The following OLFML2A variants were observed in gnomAD, a reference collection of about 807,000 sequenced individuals.
The protein encoded by OLFML2A is olfactomedin-like protein 2A.
A neutral mutation model predicts 60.9 loss-of-function variants in OLFML2A; 47 were observed. The observed-to-expected ratio is 0.77, with a 90% confidence interval of 0.61 to 0.98. The LOEUF (loss-of-function observed/expected upper bound fraction) is 0.98. OLFML2A is among the 50% of genes least tolerant of loss of function. The pLI is 0.00. For missense variants in OLFML2A, 922 were observed against 879.8 expected (o/e 1.05, Z -0.61); for synonymous variants, 372 against 375.0 (o/e 0.99, Z 0.09).
chr9:124,797,246 G>A (rs1365940157), intron 3 of OLFML2A, among the ~76,000 whole-genome samples: 1 of 152,196 alleles, frequency 6.6e-6, no homozygotes, highest in African/African-American at 2.4e-5. Context: ...CTCCCAAGGT[G>A]CTGGGATTAC....
intron 2 of OLFML2A, among the ~76,000 whole-genome samples, chr9:124,793,730 T>A (rs1056570938): frequency 6.6e-6 from 1 of 152,292 alleles, no homozygotes; most frequent in South Asian, 2.1e-4. Flanking sequence ...TGATTTATTT[T>A]GAAAATATTC....
At chr9:124,789,904 C>G (rs1841541321) in intron 2 of OLFML2A, among the ~76,000 whole-genome samples, 1 of 152,188 alleles carries the variant, frequency 6.6e-6, no homozygotes, top group Admixed American at 6.5e-5. Flanking sequence ...ACTCAAGGCA[C>G]CCAGGCCATA....
chr9:124,804,266 C>CA lies in OLFML2A; in HGVS notation c.1092_1093insA (p.Ala365SerfsTer32). 1 of 1,597,612 alleles carries CA rather than the reference C, an allele frequency of 6.3e-7. No homozygotes were observed. Among genetic ancestry groups the CA allele is most frequent in the Non-Finnish European group, 8.5e-7 (1 of 1,172,588 alleles). Reference sequence around the variant, plus strand: ...CTTCAATCCCTGCCACCACCACCACCGCCACCACCACCCCAACCCCCACCA... The same window carrying CA: ...CTTCAATCCCTGCCACCACCACCACCAGCCACCACCACCCCAACCCCCACCA... On this transcript the variant is annotated frameshift_variant, in exon 6 of 8. Coordinates refer to ENST00000373580, the MANE Select transcript of OLFML2A (RefSeq NM_182487.4). LOFTEE classifies it high-confidence loss of function.
chr9:124,794,102 G>A (rs1018660378), intron 2 of OLFML2A, among the ~76,000 whole-genome samples: 1 of 152,216 alleles, frequency 6.6e-6, no homozygotes, highest in Non-Finnish European at 1.5e-5. Flanking sequence ...GCAGGGTGGG[G>A]AGAAGAGGGT....
chr9:124,798,307 GC>G (rs1181651770), intron 3 of OLFML2A, among the ~76,000 whole-genome samples: 3 of 152,072 alleles, frequency 2.0e-5, no homozygotes, highest in Non-Finnish European at 4.4e-5. Flanking sequence ...TTCAAGACCA[GC>G]CTGCCCAACA....
At chr9:124,794,671 G>A (rs1332372969) in intron 2 of OLFML2A, among the ~76,000 whole-genome samples, 1 of 152,092 alleles carries the variant, frequency 6.6e-6, no homozygotes. Flanking sequence ...ACCCAGGCTG[G>A]AGTGCAGTGG....
chr9:124,792,108 C>T (rs1588882245), intron 2 of OLFML2A, among the ~76,000 whole-genome samples: 1 of 152,238 alleles, frequency 6.6e-6, no homozygotes, highest in East Asian at 1.9e-4. Context: ...GGCAGCCTTT[C>T]CTGATCCACA....
chr9:124,786,443 G>A (rs769647321), intron 1 of OLFML2A, among the ~76,000 whole-genome samples: 3 of 151,798 alleles, frequency 2.0e-5, no homozygotes, highest in Non-Finnish European at 2.9e-5. Context: ...CGCACGGGCC[G>A]GGCGCGGTGG....
chr9:124,777,254 AC>A lies in OLFML2A; in HGVS notation c.-15del, dbSNP rs1841272260. The A allele has an allele frequency of 3.8e-6, 4 of 1,066,390 alleles. No individual in the cohort carries two copies. In the South Asian group the frequency reaches 1.5e-4, roughly 41 times the overall value. 66.1% of individuals were successfully genotyped at this position (1,066,390 alleles called of 1,614,324 possible). On this transcript the variant is annotated 5_prime_UTR_variant, in exon 1 of 8. Coordinates refer to ENST00000373580, the MANE Select transcript of OLFML2A (RefSeq NM_182487.4). The surrounding 1 kb of genome is among the most constrained non-coding windows in gnomAD (Gnocchi z 6.2). Reference sequence around the variant, plus strand: ...CGTCCGTGCCCGGCCGCCTGTGCCTACCGTGCCCGTGGCGCCATGGCCGCTG... The same window carrying A: ...CGTCCGTGCCCGGCCGCCTGTGCCTACGTGCCCGTGGCGCCATGGCCGCTG...
chr9:124,792,221 C>G (rs945179702), intron 2 of OLFML2A, among the ~76,000 whole-genome samples: 2 of 152,160 alleles, frequency 1.3e-5, no homozygotes, highest in Non-Finnish European at 2.9e-5. Context: ...TGCCTCTGTC[C>G]CCTGATCTAG....
chr9:124,809,947 C>G lies in OLFML2A; in HGVS notation c.1494C>G (p.Ser498=), dbSNP rs774615617. ...KYDLRQRFVA[S]WALLPDVVYE... is the part of the protein sequence containing the mutation. Reference sequence around the variant, plus strand: ...ACCTACGGCAGCGCTTCGTGGCCTCCTGGGCGCTGCTGCCCGACGTGGTAT... The same window carrying G: ...ACCTACGGCAGCGCTTCGTGGCCTCGTGGGCGCTGCTGCCCGACGTGGTAT... The change falls in exon 8 of 8, where the codon TCC becomes TCG. Residue 498 remains serine (S), a synonymous_variant. Transcript: ENST00000373580. 1.9e-6 allele frequency: 3 copies of G among 1,614,192 alleles called. No individual in the cohort carries two copies. The highest frequency in any genetic ancestry group is 4.5e-5 in the East Asian group (2 of 44,880).
At position 124,810,858 on chromosome 9, in the gene OLFML2A, C is replaced by T. The variant is rs1283576335; in HGVS notation, c.*446C>T. The T allele has an allele frequency of 6.1e-6, 1 of 163,262 alleles. No homozygotes were observed. Among genetic ancestry groups the T allele is most frequent in the East Asian group, 2.1e-4 (1 of 4,762 alleles). The allele number at this position is 163,262 out of a possible 1,614,324, so 10.1% of individuals were successfully genotyped here. A position where few individuals can be genotyped will look rare whatever the true frequency, so the allele number is the denominator to read the frequency against. Reference sequence around the variant, plus strand: ...CTCCCTTGTTCTCTCAACCCAGTCTCCCTTCCCAGGGCCACTCAGAACCAG... The same window carrying T: ...CTCCCTTGTTCTCTCAACCCAGTCTTCCTTCCCAGGGCCACTCAGAACCAG... On this transcript the variant is annotated 3_prime_UTR_variant, in exon 8 of 8. Transcript: ENST00000373580.
At chr9:124,785,009 A>G (rs1477633475) in intron 1 of OLFML2A, among the ~76,000 whole-genome samples, 3 of 117,034 alleles carry the variant, frequency 2.6e-5, no homozygotes, top group African/African-American at 1.0e-4. Context: ...GCTGGAGTGC[A>G]GTGGCCTGAT....
Position 124,777,492 on chromosome 9 carries a change from G to T in OLFML2A, c.90+132G>T. ...CCGGGAGCTGAGAGACCGAACCTGGGACTTCTCAGCACTGAAGCCGCAGGG... is the reference window on the plus strand; with the variant it reads ...CCGGGAGCTGAGAGACCGAACCTGGTACTTCTCAGCACTGAAGCCGCAGGG... On this transcript the variant is annotated intron_variant, in intron 1 of 7. Transcript: ENST00000373580. This position sits in a 1 kb window ranked among gnomAD's most constrained non-coding sequence, Gnocchi z 6.2. 1.0e-6 allele frequency: 1 copy of T among 981,058 alleles called. No individual in the cohort carries two copies. The highest frequency in any genetic ancestry group is 1.7e-5 in the African/African-American group (1 of 59,042). 60.8% of individuals were successfully genotyped at this position (981,058 alleles called of 1,614,324 possible). A position where few individuals can be genotyped will look rare whatever the true frequency, so the allele number is the denominator to read the frequency against.
rs954454034 is a variant in OLFML2A, at chr9:124,779,717, G to A, written c.90+2357G>A. ...TGGGAAAAATAAAAATCAAGTGATGGGTGAATTTACTCTGCATTCCTTAGC... is the reference window on the plus strand; with the variant it reads ...TGGGAAAAATAAAAATCAAGTGATGAGTGAATTTACTCTGCATTCCTTAGC... On this transcript the variant is annotated intron_variant, in intron 1 of 7. Coordinates refer to ENST00000373580, the MANE Select transcript of OLFML2A (RefSeq NM_182487.4). The surrounding 1 kb of genome is among the most constrained non-coding windows in gnomAD (Gnocchi z 4.1). Among the ~76,000 whole-genome samples the A allele has an allele frequency of 9.2e-5, 14 of 152,122 alleles. No homozygotes were observed. The highest frequency in any genetic ancestry group is 1.7e-4 in the African/African-American group (7 of 41,432).
chr9:124,806,900 G>A (rs1020594672), intron 6 of OLFML2A, among the ~76,000 whole-genome samples: 6 of 151,760 alleles, frequency 4.0e-5, no homozygotes, highest in Non-Finnish European at 7.4e-5. Flanking sequence ...GAGCCACCGC[G>A]CCCAGCCAAT....
Position 124,807,887 on chromosome 9 carries a change from A to T in OLFML2A, c.1275A>T (p.Arg425=). Residue 425 remains arginine, a synonymous_variant, in exon 7 of 8, where the codon CGA becomes CGT. Coordinates refer to ENST00000373580, the MANE Select transcript of OLFML2A (RefSeq NM_182487.4). ...CCTGGATGAAGGACCCTGCAGCTCG[A>T]GACGACAGGATCTATGTCACCAACT... ...EGAWMKDPAA[R]DDRIYVTNYY... 1 of 1,614,170 alleles carries T rather than the reference A, an allele frequency of 6.2e-7. No homozygotes were observed. The highest frequency in any genetic ancestry group is 1.7e-5 in the Admixed American group (1 of 60,018).
intron 2 of OLFML2A, among the ~76,000 whole-genome samples, chr9:124,794,248 G>A (rs1195466712): frequency 6.6e-6 from 1 of 152,216 alleles, no homozygotes; most frequent in Admixed American, 6.5e-5. Flanking sequence ...CATGTCACTA[G>A]ATCATTGCCT....
At chr9:124,792,465 G>T (rs80170029) in intron 2 of OLFML2A, among the ~76,000 whole-genome samples, 9,689 of 152,228 alleles carry the variant, frequency 0.064, 792 homozygotes, top group East Asian at 0.19. Flanking sequence ...TGTGTCCTTG[G>T]CAGTCTGTGA....
Sources: allele counts gnomAD v4.1 joint callset (sites outside exome capture counted in the v4.1 genomes callset), GRCh38; gene constraint gnomAD v4.1.1; non-coding constraint Gnocchi (gnomAD v3.1); transcripts MANE v1.5; gene names NCBI Gene and HGNC (gene_info 2026-07-23, HGNC 2026-07-21).